The following MAP3K13 variants were observed in gnomAD, a reference collection of about 807,000 sequenced individuals.
MAP3K13 encodes the protein leucine zipper-bearing kinase.
In MAP3K13, 52 loss-of-function variants were observed where a neutral mutation model predicts 104.0. The observed-to-expected ratio is 0.50, with a 90% CI of 0.40 to 0.63. The LOEUF is 0.63. Among genes scored for constraint, MAP3K13 ranks in the 20% least tolerant of loss-of-function variants. The probability of loss-of-function intolerance (pLI) is 0.00; values close to 1 mark genes in which losing one functional copy is unlikely to be tolerated. For missense variants in MAP3K13, 914 were observed against 1,218.5 expected (o/e 0.75, Z 3.72); for synonymous variants, 394 against 442.2 (o/e 0.89, Z 1.37).
chr3:185,443,669 G>T (rs1303038865), intron 4 of MAP3K13, 33 bp downstream of exon 4: 4 of 1,590,808 alleles, frequency 2.5e-6, no homozygotes, highest in Non-Finnish European at 3.4e-6. Flanking sequence ...CAGCTATTTT[G>T]GTTTGTTGTT....
chr3:185,364,278 C>G (rs1254055556), intron 1 of MAP3K13, among the ~76,000 whole-genome samples: 1 of 152,182 alleles, frequency 6.6e-6, no homozygotes, highest in Non-Finnish European at 1.5e-5. Context: ...TTCCAAGGGT[C>G]TGTTTATTCT....
intron 5 of MAP3K13, among the ~76,000 whole-genome samples, chr3:185,449,462 C>A (rs1327498931): frequency 7.7e-6 from 1 of 130,678 alleles, no homozygotes; most frequent in African/African-American, 2.8e-5. Flanking sequence ...TTTCATTTTT[C>A]TATTTAAATC....
In MAP3K13 at chr3:185,321,981, G is replaced by A. The variant is rs78223891; in HGVS notation, c.-86+36338G>A. ...AAGTGCTTCTTTAATTTCTACCCAAGTATCCCCTTACGGAAATGGTAAGTC... is the reference window on the plus strand; with the variant it reads ...AAGTGCTTCTTTAATTTCTACCCAAATATCCCCTTACGGAAATGGTAAGTC... On this transcript the variant is annotated intron_variant, in intron 2 of 14. Coordinates refer to the MAP3K13 transcript ENST00000424227. Among the ~76,000 whole-genome samples, 681 of 152,280 alleles carry A rather than the reference G, an allele frequency of 4.5e-3. 3 individuals carry two copies. The highest frequency in any genetic ancestry group is 0.016 in the African/African-American group (644 of 41,548).
In MAP3K13 at chr3:185,418,070, T is replaced by C. The variant is rs1246655069; in HGVS notation, c.-85-10427T>C. The C allele has an allele frequency of 1.8e-4, 297 of 1,611,786 alleles. No individual in the cohort carries two copies. The highest frequency in any genetic ancestry group is 2.7e-4 in the Admixed American group (16 of 59,990). On this transcript the variant is annotated intron_variant, in intron 1 of 13. Transcript: ENST00000265026. The surrounding 1 kb of genome is among the most constrained non-coding windows in gnomAD (Gnocchi z 4.5). ...TGCCCACCAGGAGCAAGCTTCAAAA[T>C]GTTCAGCTTGCTTACATTAAGCAGA... is the stretch of plus-strand genomic sequence containing the variant.
rs6764900 is a variant in MAP3K13, at chr3:185,437,828, G to A, written c.659+198G>A. On this transcript the variant is annotated intron_variant, in intron 3 of 13. Coordinates refer to ENST00000265026, the MANE Select transcript of MAP3K13 (RefSeq NM_004721.5). Reference sequence around the variant, plus strand: ...ATCTTATAATCCAGTGGTTCATTTTGCCGAAGTATGTGCAAAGTACATGGA... The same window carrying A: ...ATCTTATAATCCAGTGGTTCATTTTACCGAAGTATGTGCAAAGTACATGGA... Among the ~76,000 whole-genome samples the A allele has an allele frequency of 7.0e-3, 1,060 of 152,196 alleles. 15 individuals carry two copies. The highest frequency in any genetic ancestry group is 0.024 in the African/African-American group (976 of 41,518).
chr3:185,372,412 A>G (rs1410708744), intron 1 of MAP3K13, among the ~76,000 whole-genome samples: 1 of 152,222 alleles, frequency 6.6e-6, no homozygotes, highest in African/African-American at 2.4e-5. Flanking sequence ...GATTGAAGCT[A>G]TGCCCCAATC....
intron 1 of MAP3K13, among the ~76,000 whole-genome samples, chr3:185,284,716 TATAA>T (rs1007952275): frequency 2.0e-5 from 3 of 151,464 alleles, no homozygotes; most frequent in South Asian, 2.1e-4. Flanking sequence ...CCTCAGGAAC[TATAA>T]ATAAATAAAT....
chr3:185,311,311 G>A (rs956205262), intron 2 of MAP3K13, among the ~76,000 whole-genome samples: 7 of 152,116 alleles, frequency 4.6e-5, no homozygotes, highest in East Asian at 1.9e-4. Context: ...ACAGGGTGGC[G>A]GCAAGAGAAA....
rs797016955 is a variant in MAP3K13 at position 185,454,861 on chromosome 3, T to G, written c.1278+3466T>G. On this transcript the variant is annotated intron_variant, in intron 7 of 13. Coordinates refer to ENST00000265026, the MANE Select transcript of MAP3K13 (RefSeq NM_004721.5). ...ATATATATATGAGATATATACATGA[T>G]ATATATATGAGATATATATATGATA... Among the ~76,000 whole-genome samples the G allele has an allele frequency of 7.2e-4, 35 of 48,570 alleles. 3 individuals carry two copies. The highest frequency in any genetic ancestry group is 1.6e-3 in the South Asian group (2 of 1,234). The allele number at this position is 48,570 out of a possible 152,430, so 31.9% of individuals were successfully genotyped here. A position where few individuals can be genotyped will look rare whatever the true frequency, so the allele number is the denominator to read the frequency against.
At chr3:185,389,719 C>A (rs944752621) in intron 1 of MAP3K13, among the ~76,000 whole-genome samples, 1 of 151,480 alleles carries the variant, frequency 6.6e-6, no homozygotes, top group East Asian at 1.9e-4. Context: ...AAAATGAGGA[C>A]CCCAAACCAA....
At chr3:185,419,448 A>G (rs1169306243) in intron 1 of MAP3K13, among the ~76,000 whole-genome samples, 1 of 152,222 alleles carries the variant, frequency 6.6e-6, no homozygotes, top group African/African-American at 2.4e-5. Flanking sequence ...AGCAACAAGG[A>G]TTTGTATTGA....
At chr3:185,306,355 A>G (rs1017909600) in intron 2 of MAP3K13, among the ~76,000 whole-genome samples, 1 of 152,198 alleles carries the variant, frequency 6.6e-6, no homozygotes, top group African/African-American at 2.4e-5. Flanking sequence ...GAAATCTCCA[A>G]ACTGCTTTCC....
intron 3 of MAP3K13, among the ~76,000 whole-genome samples, chr3:185,441,207 G>C (rs1346925732): frequency 6.6e-6 from 1 of 152,132 alleles, no homozygotes; most frequent in Non-Finnish European, 1.5e-5. Flanking sequence ...TTTATCTTAT[G>C]GTAATTTGGG....
chr3:185,317,514 T>G (rs1721719502), intron 2 of MAP3K13, among the ~76,000 whole-genome samples: 1 of 152,216 alleles, frequency 6.6e-6, no homozygotes. Context: ...TGCTTTATAT[T>G]ATCTAGACTT....
chr3:185,449,449 T>C (rs904998521), intron 5 of MAP3K13, among the ~76,000 whole-genome samples: 4 of 151,980 alleles, frequency 2.6e-5, no homozygotes, highest in African/African-American at 9.7e-5. Flanking sequence ...AAGATTTTTA[T>C]GGTTTCATTT....
At chr3:185,455,447 G>T (rs867318845) in intron 7 of MAP3K13, among the ~76,000 whole-genome samples, 2 of 98,366 alleles carry the variant, frequency 2.0e-5, no homozygotes, top group African/African-American at 4.0e-5. Flanking sequence ...ATATATATGA[G>T]ATATATATCA....
intron 2 of MAP3K13, among the ~76,000 whole-genome samples, chr3:185,313,330 C>T (rs562291333): frequency 7.6e-4 from 108 of 142,984 alleles, no homozygotes; most frequent in Non-Finnish European, 1.5e-3. Context: ...AGTGCAGTGG[C>T]GTGATCTCGG....
At position 185,482,334 on chromosome 3, in the gene MAP3K13, G is replaced by T; in HGVS notation, c.2800-21G>T. ...CTGAGTGATTATCGAAATGAATTAA[G>T]GTTTTGTCTTGCCTTTGCAGAACCC... On this transcript the variant is annotated intron_variant, in intron 13 of 13. Coordinates refer to ENST00000265026, the MANE Select transcript of MAP3K13 (RefSeq NM_004721.5). This position sits in a 1 kb window ranked among gnomAD's most constrained non-coding sequence, Gnocchi z 4.5. 2 of 1,538,756 alleles carry T rather than the reference G, an allele frequency of 1.3e-6. No individual in the cohort carries two copies. Among genetic ancestry groups the T allele is most frequent in the Non-Finnish European group, 1.8e-6 (2 of 1,111,304 alleles).
At chr3:185,321,062 A>G (rs1011583343) in intron 2 of MAP3K13, among the ~76,000 whole-genome samples, 2 of 151,342 alleles carry the variant, frequency 1.3e-5, no homozygotes, top group African/African-American at 4.9e-5. Flanking sequence ...ATACACATGC[A>G]TGCACACACA....
Sources: allele counts gnomAD v4.1 joint callset (sites outside exome capture counted in the v4.1 genomes callset), GRCh38; gene constraint gnomAD v4.1.1; non-coding constraint Gnocchi (gnomAD v3.1); transcripts MANE v1.5; gene names NCBI Gene and HGNC (gene_info 2026-07-23, HGNC 2026-07-21).